KLHL5: variants seen among roughly 807,000 people sequenced by gnomAD.
KLHL5 encodes the protein kelch like family member 5.
KLHL5 carries 48 observed loss-of-function variants against 77.7 expected under a neutral mutation model. The observed-to-expected ratio is 0.62, with a 90% CI of 0.49 to 0.79. The LOEUF (loss-of-function observed/expected upper bound fraction) is 0.79. KLHL5 is among the 30% of genes least tolerant of loss of function. The probability of loss-of-function intolerance (pLI) is 0.00; values close to 1 mark genes in which losing one functional copy is unlikely to be tolerated. For missense variants in KLHL5, 723 were observed against 859.7 expected (o/e 0.84, Z 1.99); for synonymous variants, 260 against 297.0 (o/e 0.88, Z 1.28).
At chr4:39,074,255 C>T (rs1718790101) in intron 1 of KLHL5, among the ~76,000 whole-genome samples, 1 of 152,062 alleles carries the variant, frequency 6.6e-6, no homozygotes, top group Non-Finnish European at 1.5e-5. Context: ...ATCTGATGCC[C>T]ATGTTTGTAT....
chr4:39,096,601 G>A (rs1721087357), intron 5 of KLHL5, 91 bp from the exon 6 acceptor site: 2 of 860,202 alleles, frequency 2.3e-6, no homozygotes, highest in African/African-American at 3.4e-5. Context: ...TTAAAAATAT[G>A]TAAAATCCAT....
intron 2 of KLHL5, among the ~76,000 whole-genome samples, chr4:39,080,605 T>TA (rs566203158): frequency 0.013 from 1,984 of 151,752 alleles, 45 homozygotes; most frequent in African/African-American, 0.046. Context: ...TTTATAATTA[T>TA]AAAAAATATA....
At chr4:39,131,053 A>G (rs1286491685), downstream of KLHL5, among the ~76,000 whole-genome samples, 1 of 141,720 alleles carries the variant, frequency 7.1e-6, no homozygotes, top group Non-Finnish European at 1.5e-5. Flanking sequence ...GCATATCACC[A>G]TGTTGGCCAG....
At chr4:39,060,669 A>G (rs1016657730), upstream of KLHL5, among the ~76,000 whole-genome samples, 1 of 152,186 alleles carries the variant, frequency 6.6e-6, no homozygotes, top group Non-Finnish European at 1.5e-5. Flanking sequence ...TTGACCAATG[A>G]AGTGGTGTGT....
At chr4:39,052,652 G>C (rs548156314) in intron 1 of KLHL5, among the ~76,000 whole-genome samples, 6 of 152,190 alleles carry the variant, frequency 3.9e-5, no homozygotes, top group Non-Finnish European at 8.8e-5. Flanking sequence ...TGGAGAATAA[G>C]AGAGGATTTA....
At chr4:39,111,767 T>C (rs944115646) in intron 8 of KLHL5, among the ~76,000 whole-genome samples, 4 of 152,170 alleles carry the variant, frequency 2.6e-5, no homozygotes, top group Non-Finnish European at 5.9e-5. Context: ...ACTATTAATA[T>C]AGTTTAAGTT....
upstream of KLHL5, among the ~76,000 whole-genome samples, chr4:39,057,420 T>C (rs888346738): frequency 2.6e-5 from 4 of 152,214 alleles, no homozygotes; most frequent in Admixed American, 2.6e-4. Context: ...ACAGAATATC[T>C]GGTATATTTC....
intron 5 of KLHL5, among the ~76,000 whole-genome samples, chr4:39,092,323 T>G (rs1009409692): frequency 1.3e-5 from 2 of 152,178 alleles, no homozygotes; most frequent in Non-Finnish European, 2.9e-5. Flanking sequence ...ATGGCTTTTC[T>G]TACTCAAATA....
At chr4:39,046,240 A>G (rs2110098792) in intron 1 of KLHL5, among the ~76,000 whole-genome samples, 1 of 152,300 alleles carries the variant, frequency 6.6e-6, no homozygotes, top group East Asian at 1.9e-4. Flanking sequence ...TCCAGAAACT[A>G]TATATTTGAA....
Position 39,124,480 on chromosome 4 carries a change from G to T in KLHL5, c.*3414G>T, listed in dbSNP as rs1362618846. 2.6e-5 allele frequency among the ~76,000 whole-genome samples: 4 copies of T among 152,040 alleles called. No individual in the cohort carries two copies. Among genetic ancestry groups the T allele is most frequent in the Admixed American group, 6.5e-5 (1 of 15,272 alleles). On this transcript the variant is annotated 3_prime_UTR_variant, in exon 11 of 11. Coordinates refer to ENST00000504108, the MANE Select transcript of KLHL5 (RefSeq NM_015990.5). ...GTATAAAAATATATAAAGCAATAGAGTAGAATGGAAAGTCCAGAAACAAAT... is the reference window on the plus strand; with the variant it reads ...GTATAAAAATATATAAAGCAATAGATTAGAATGGAAAGTCCAGAAACAAAT...
the KLHL5 span, among the ~76,000 whole-genome samples, chr4:39,133,628 T>C: frequency 1.3e-5 from 2 of 151,426 alleles, no homozygotes; most frequent in Non-Finnish European, 2.9e-5. Context: ...TAAGGCAAAG[T>C]TCCCAAACAA....
chr4:39,066,520 C>T (rs1466232962), intron 1 of KLHL5, among the ~76,000 whole-genome samples: 2 of 152,220 alleles, frequency 1.3e-5, no homozygotes, highest in East Asian at 3.9e-4. Context: ...AATTTTTCAA[C>T]TTTACGATGA....
intron 10 of KLHL5, chr4:39,115,695 T>C: frequency 1.6e-6 from 2 of 1,220,542 alleles, no homozygotes; most frequent in Non-Finnish European, 2.0e-6. Context: ...AACTTGCCCA[T>C]GTGTGAGCAG....
At chr4:39,049,835 G>A (rs1485077305) in intron 1 of KLHL5, among the ~76,000 whole-genome samples, 1 of 152,120 alleles carries the variant, frequency 6.6e-6, no homozygotes, top group Non-Finnish European at 1.5e-5. Flanking sequence ...ACTTTGGTAG[G>A]CTCAGGTGGG....
Position 39,121,294 on chromosome 4 carries a change from C to A in KLHL5, c.*228C>A. 2 of 546,536 alleles carry A rather than the reference C, an allele frequency of 3.7e-6. No individual in the cohort carries two copies. Among genetic ancestry groups the A allele is most frequent in the South Asian group, 2.2e-5 (1 of 46,160 alleles). The allele number at this position is 546,536 out of a possible 1,614,324, so 33.9% of individuals were successfully genotyped here. A position where few individuals can be genotyped will look rare whatever the true frequency, so the allele number is the denominator to read the frequency against. The stretch of plus-strand genomic sequence containing the variant: ...AAACCTGCAGCTGGTGGATTGTGAT[C>A]ACACATTCCCGAAGTAATAAGTGAG... On this transcript the variant is annotated 3_prime_UTR_variant, in exon 11 of 11. Transcript: ENST00000504108.
rs192394478 is a variant in KLHL5 at position 39,082,654 on chromosome 4, A to G, written c.900+495A>G. ...TTCATTATAGCAAATTATGTGCTCA[A>G]TAAATCATAGAAGAGGTTCTGATTC... On this transcript the variant is annotated intron_variant, in intron 4 of 10. Transcript: ENST00000504108. 7.7e-4 allele frequency among the ~76,000 whole-genome samples: 117 copies of G among 152,358 alleles called. 1 individual carries two copies. The highest frequency in any genetic ancestry group is 1.4e-3 in the Admixed American group (21 of 15,300).
At chr4:39,142,549 G>C in the KLHL5 span, among the ~76,000 whole-genome samples, 2 of 152,142 alleles carry the variant, frequency 1.3e-5, no homozygotes, top group South Asian at 4.1e-4. Context: ...CTCATCCTAT[G>C]ATCCAGCAAG....
At chr4:39,142,168 A>G in the KLHL5 span, among the ~76,000 whole-genome samples, 1 of 152,232 alleles carries the variant, frequency 6.6e-6, no homozygotes, top group South Asian at 2.1e-4. Context: ...TTTAAAATAC[A>G]GTATATTCAA....
chr4:39,143,037 A>G, the KLHL5 span, among the ~76,000 whole-genome samples: 14 of 147,222 alleles, frequency 9.5e-5, no homozygotes, highest in African/African-American at 3.4e-4. Context: ...GTATAAAGTT[A>G]CACACACACA....
Sources: allele counts gnomAD v4.1 joint callset (sites outside exome capture counted in the v4.1 genomes callset), GRCh38; gene constraint gnomAD v4.1.1; transcripts MANE v1.5; gene names NCBI Gene and HGNC (gene_info 2026-07-23, HGNC 2026-07-21).